MEI4: variants seen among roughly 807,000 people sequenced by gnomAD.
MEI4 encodes the protein meiosis-specific protein MEI4.
Under a neutral mutation model 31.4 loss-of-function variants are expected in MEI4, and 27 were observed. The observed-to-expected ratio is 0.86, with a 90% confidence interval of 0.63 to 1.19. The LOEUF (loss-of-function observed/expected upper bound fraction) is 1.19, where lower values mean the gene tolerates loss of function less well. Ranked by LOEUF, MEI4 falls within the 50% of genes most tolerant of loss-of-function variation. The probability of loss-of-function intolerance (pLI) is 0.00; values close to 1 mark genes in which losing one functional copy is unlikely to be tolerated. For synonymous variants in MEI4, 122 were observed against 145.4 expected (o/e 0.84, Z 1.16); for missense variants, 329 against 398.9 (o/e 0.82, Z 1.49).
chr6:77,705,581 G>A (rs1766313305), intron 2 of MEI4, among the ~76,000 whole-genome samples: 1 of 152,126 alleles, frequency 6.6e-6, no homozygotes. Flanking sequence ...CAATAAAAGT[G>A]GTACAAAACC....
intron 3 of MEI4, among the ~76,000 whole-genome samples, chr6:77,773,541 G>T (rs545841857): frequency 6.6e-6 from 1 of 151,938 alleles, no homozygotes; most frequent in African/African-American, 2.4e-5. Flanking sequence ...AATCACAGTG[G>T]ATTAAAAATT....
At chr6:77,920,908 G>A (rs929678030) in intron 4 of MEI4, among the ~76,000 whole-genome samples, 1 of 151,874 alleles carries the variant, frequency 6.6e-6, no homozygotes, top group Admixed American at 6.6e-5. Context: ...ATCCAGGCTT[G>A]TTGTTTTATT....
intron 2 of MEI4, among the ~76,000 whole-genome samples, chr6:77,755,785 TA>T (rs367670162): frequency 8.7e-4 from 132 of 151,560 alleles, no homozygotes; most frequent in African/African-American, 3.1e-3. Context: ...TATGTAATAA[TA>T]AAAAACATGA....
intron 3 of MEI4, among the ~76,000 whole-genome samples, chr6:77,769,743 T>C (rs1451408571): frequency 1.3e-5 from 2 of 152,090 alleles, no homozygotes; most frequent in African/African-American, 4.8e-5. Context: ...AAACACACCA[T>C]GGGCCAGAAG....
chr6:77,737,462 T>TCC (rs1186842088), intron 2 of MEI4, among the ~76,000 whole-genome samples: 1 of 151,926 alleles, frequency 6.6e-6, no homozygotes, highest in African/African-American at 2.4e-5. Context: ...AATCAGGGAG[T>TCC]CCAGGACACT....
chr6:77,828,711 T>C (rs1770013094), intron 3 of MEI4, among the ~76,000 whole-genome samples: 1 of 152,214 alleles, frequency 6.6e-6, no homozygotes, highest in African/African-American at 2.4e-5. Context: ...ACTTCCATTT[T>C]AGCACCCTGT....
At chr6:77,695,948 G>C (rs1265218265) in intron 2 of MEI4, among the ~76,000 whole-genome samples, 1 of 152,096 alleles carries the variant, frequency 6.6e-6, no homozygotes, top group Non-Finnish European at 1.5e-5. Context: ...ATTGAGCAGT[G>C]GTTTGTAGTT....
chr6:77,734,890 A>G (rs956683635), intron 2 of MEI4, among the ~76,000 whole-genome samples: 6 of 151,722 alleles, frequency 4.0e-5, no homozygotes, highest in Non-Finnish European at 5.9e-5. Flanking sequence ...TCCTTCACTT[A>G]TGAAGCTTAG....
intron 2 of MEI4, among the ~76,000 whole-genome samples, chr6:77,751,474 A>C (rs1767773301): frequency 6.6e-6 from 1 of 152,186 alleles, no homozygotes; most frequent in Admixed American, 6.5e-5. Flanking sequence ...AACTACCAAC[A>C]GAGAATTTGC....
At chr6:77,654,456 G>A (rs1346193198) in intron 1 of MEI4, among the ~76,000 whole-genome samples, 1 of 150,960 alleles carries the variant, frequency 6.6e-6, no homozygotes, top group Non-Finnish European at 1.5e-5. Flanking sequence ...CTGCCATTTT[G>A]GTTAGAGCAA....
chr6:77,826,452 C>T (rs2127710433), intron 3 of MEI4, among the ~76,000 whole-genome samples: 1 of 152,236 alleles, frequency 6.6e-6, no homozygotes, highest in African/African-American at 2.4e-5. Flanking sequence ...AAGGACAGAA[C>T]TTCTTATTTC....
intron 2 of MEI4, among the ~76,000 whole-genome samples, chr6:77,743,754 A>T (rs984938090): frequency 6.6e-6 from 1 of 152,084 alleles, no homozygotes; most frequent in African/African-American, 2.4e-5. Context: ...ATGGCCAGGT[A>T]CTCCTCTGAG....
chr6:77,859,238 G>A (rs200875525), intron 4 of MEI4, among the ~76,000 whole-genome samples: 1 of 152,084 alleles, frequency 6.6e-6, no homozygotes, highest in East Asian at 1.9e-4. Flanking sequence ...TACTGTATAT[G>A]TACCACATTT....
intron 2 of MEI4, among the ~76,000 whole-genome samples, chr6:77,732,970 A>T (rs568556600): frequency 6.6e-6 from 1 of 151,292 alleles, no homozygotes; most frequent in Non-Finnish European, 1.5e-5. Context: ...CATCCCAGGG[A>T]TGAAGCCCAC....
intron 2 of MEI4, among the ~76,000 whole-genome samples, chr6:77,692,297 GTATTTACTTATTTGTT>G (rs2127652677): frequency 6.6e-6 from 1 of 151,962 alleles, no homozygotes; most frequent in Non-Finnish European, 1.5e-5. Context: ...CTCCTGTGTA[GTATTTACTTATTTGTT>G]TATTTACTTG....
Position 77,920,485 on chromosome 6 carries a change from T to G in MEI4, c.901-2604T>G, listed in dbSNP as rs77302620. Among the ~76,000 whole-genome samples, 1,885 of 152,036 alleles carry G rather than the reference T, an allele frequency of 0.012. 116 individuals carry two copies. In the East Asian group the frequency reaches 0.18, roughly 15 times the overall value. On this transcript the variant is annotated intron_variant, in intron 4 of 4. Coordinates refer to ENST00000684080, the MANE Select transcript of MEI4 (RefSeq NM_001322247.2). ...TGCAGTGACTTCCTCCACTGAAGTC[T>G]TGAAGCCATCAAAGTCATTCAATAA...
chr6:77,843,617 G>A (rs530629947), intron 4 of MEI4, among the ~76,000 whole-genome samples: 22 of 151,468 alleles, frequency 1.5e-4, no homozygotes, highest in African/African-American at 4.8e-4. Context: ...GGGTATAATC[G>A]GTATATCACA....
At chr6:77,883,207 A>T (rs2127729249) in intron 4 of MEI4, among the ~76,000 whole-genome samples, 1 of 152,254 alleles carries the variant, frequency 6.6e-6, no homozygotes, top group African/African-American at 2.4e-5. Flanking sequence ...GTACATATTT[A>T]TGGAGTATGT....
At chr6:77,771,914 G>T (rs937442146) in intron 3 of MEI4, among the ~76,000 whole-genome samples, 1 of 151,828 alleles carries the variant, frequency 6.6e-6, no homozygotes, top group Non-Finnish European at 1.5e-5. Flanking sequence ...TAACAAACCT[G>T]CACCTGTACC....
Sources: gnomAD v4.1 joint callset for allele counts (sites outside exome capture counted in the v4.1 genomes callset) on GRCh38, gnomAD v4.1.1 for gene constraint, MANE v1.5 for transcripts, NCBI Gene and HGNC (gene_info 2026-07-23, HGNC 2026-07-21) for gene names.